The following DIDO1 variants were observed in gnomAD, a reference collection of about 807,000 sequenced individuals.
DIDO1 encodes death inducer-obliterator 1.
DIDO1 carries 16 observed loss-of-function variants against 99.4 expected under a neutral mutation model. The ratio of observed to expected loss-of-function variants is 0.16; its 90% CI spans 0.11 to 0.24. The LOEUF (loss-of-function observed/expected upper bound fraction) is 0.24, where lower values mean the gene tolerates loss of function less well. DIDO1 is among the 10% of genes least tolerant of loss of function. The pLI, the probability that DIDO1 is intolerant of heterozygous loss-of-function variation, is 1.00. For synonymous variants in DIDO1, 1,366 were observed against 1,239.1 expected (o/e 1.10, Z -2.15); for missense variants, 2,996 against 3,014.0 (o/e 0.99, Z 0.14).
chr20:62,888,306 C>A (rs2064329943), intron 15 of DIDO1: 2 of 985,400 alleles, frequency 2.0e-6, no homozygotes, highest in African/African-American at 3.5e-5. Flanking sequence ...ATCTCTACCC[C>A]CAACAGGACC....
upstream of DIDO1, among the ~76,000 whole-genome samples, chr20:62,930,250 C>G (rs887571469): frequency 6.6e-6 from 1 of 151,670 alleles, no homozygotes; most frequent in Non-Finnish European, 1.5e-5. Flanking sequence ...CTTTGTCTAC[C>G]AAAGGGCAAA....
At chr20:62,929,692 A>AAAAAAAAAATATATATATATAT, upstream of DIDO1, among the ~76,000 whole-genome samples, 7 of 63,706 alleles carry the variant, frequency 1.1e-4, no homozygotes, top group African/African-American at 4.6e-4. Flanking sequence ...AAAAAGAAAA[A>AAAAAAAAAATATATATATATAT]GTGTATATAT....
rs774970284 is a variant in DIDO1, at chr20:62,903,044, TAA to T, written c.1588+2841_1588+2842del. 4.6e-5 allele frequency among the ~76,000 whole-genome samples: 7 copies of T among 151,764 alleles called. No individual in the cohort carries two copies. In the South Asian group the frequency reaches 8.3e-4, roughly 18 times the overall value. ...AATAATGGGAGGTGAACAGTGGAAA[TAA>T]AGAGAAAAAAATGGAATAAGAATTT... On this transcript the variant is annotated intron_variant, in intron 6 of 15. Coordinates refer to ENST00000395343, the MANE Select transcript of DIDO1 (RefSeq NM_001193369.2).
Position 62,880,482 on chromosome 20 carries a change from C to T in DIDO1, c.5474G>A (p.Gly1825Asp), listed in dbSNP as rs2064181026. The change falls in exon 16 of 16, where the codon GGC becomes GAC. Residue 1825 changes from glycine (G) to aspartate (D), a missense_variant. This residue lies in a region of DIDO1 where 1,562 missense variants were observed against 1,412.6 expected (regional missense o/e 1.11). Transcript: ENST00000395343. ...TCCACCAAGGTAAGAGGGTGAGGGG[C>T]CTCTGCTGTCCCCATAAGGAGGTGG... is the stretch of plus-strand genomic sequence containing the variant. ...HGPPPYGDSR[G>D]PSPSYLGGPR... 3.1e-6 allele frequency: 5 copies of T among 1,612,848 alleles called. No individual in the cohort carries two copies. The East Asian group carries it at 8.9e-5, about 29-fold the overall frequency.
At chr20:62,888,655 C>T in intron 15 of DIDO1, 1 of 884,374 alleles carries the variant, frequency 1.1e-6, no homozygotes, top group Non-Finnish European at 1.4e-6. Flanking sequence ...CCTAGCCTTA[C>T]ACACACACAC....
chr20:62,926,163 G>A (rs1239064582), intron 1 of DIDO1, among the ~76,000 whole-genome samples: 2 of 151,974 alleles, frequency 1.3e-5, no homozygotes, highest in Non-Finnish European at 2.9e-5. Flanking sequence ...ACCACCGAGT[G>A]CTCGCCAGTC....
Position 62,896,180 on chromosome 20 carries a change from G to T in DIDO1, c.2214+53C>A. On this transcript the variant is annotated intron_variant, in intron 8 of 15. Coordinates refer to ENST00000395343, the MANE Select transcript of DIDO1 (RefSeq NM_001193369.2). The surrounding 1 kb of genome is among the most constrained non-coding windows in gnomAD (Gnocchi z 4.4). ...CTCAAAATATTGGTTGATCCCTTTAGCACCCAGCGAACAGAACAGGAATAC... is the reference window on the plus strand; with the variant it reads ...CTCAAAATATTGGTTGATCCCTTTATCACCCAGCGAACAGAACAGGAATAC... The T allele has an allele frequency of 4.5e-6, 7 of 1,545,364 alleles. No homozygotes were observed. In the South Asian group the frequency reaches 8.3e-5, roughly 18 times the overall value.
chr20:62,919,694 G>A (rs552218031), intron 1 of DIDO1, among the ~76,000 whole-genome samples: 1 of 152,334 alleles, frequency 6.6e-6, no homozygotes, highest in South Asian at 2.1e-4. Context: ...AGCAAAACTT[G>A]TTACTGAAAA....
chr20:62,887,913 C>CGGGGCAGA (rs986141876), intron 15 of DIDO1: 97 of 985,334 alleles, frequency 9.8e-5, no homozygotes, highest in Non-Finnish European at 1.1e-4. Context: ...GCCCCCACTG[C>CGGGGCAGA]GGGGCAGAGG....
At chr20:62,934,582 C>T (rs2065363398) in intron 1 of DIDO1, among the ~76,000 whole-genome samples, 1 of 152,204 alleles carries the variant, frequency 6.6e-6, no homozygotes, top group Non-Finnish European at 1.5e-5. Flanking sequence ...TTTGTGGCAT[C>T]TAGCTCACTG....
rs1407736637 is a variant in DIDO1 at position 62,894,457 on chromosome 20, T to C, written c.2528A>G (p.Gln843Arg). 6.2e-6 allele frequency: 10 copies of C among 1,613,588 alleles called. No individual in the cohort carries two copies. Among genetic ancestry groups the C allele is most frequent in the Non-Finnish European group, 7.6e-6 (9 of 1,180,024 alleles). ...GAGATCGAAGAGGTGTGCGCGGTGC[T>C]GACTGGTGGTGTCTTTCAACATGCT... ...FSSMLKDTTS[Q>R]HRAHLFDLNC... Residue 843 changes from glutamine to arginine, a missense_variant, in exon 11 of 16, where the codon CAG becomes CGG. By Grantham distance (43) the Gln-to-Arg change is conservative. Transcript: ENST00000395343. This position sits in a 1 kb window ranked among gnomAD's most constrained non-coding sequence, Gnocchi z 4.4.
At chr20:62,929,497 T>C (rs1026205194), upstream of DIDO1, among the ~76,000 whole-genome samples, 2 of 151,584 alleles carry the variant, frequency 1.3e-5, no homozygotes, top group East Asian at 2.0e-4. Context: ...GGCCGGAACA[T>C]AGTTCTTTCT....
chr20:62,909,600 T>C lies in DIDO1; in HGVS notation c.1161+99A>G, dbSNP rs1043803769. The C allele has an allele frequency of 4.1e-6, 6 of 1,454,054 alleles. No individual in the cohort carries two copies. The African/African-American group carries it at 8.5e-5, about 20-fold the overall frequency. 90.1% of individuals were successfully genotyped at this position (1,454,054 alleles called of 1,614,324 possible). A position where few individuals can be genotyped will look rare whatever the true frequency, so the allele number is the denominator to read the frequency against. On this transcript the variant is annotated intron_variant, in intron 4 of 15. Transcript: ENST00000395343. ...AACCCGGGAGAGGCACCGCCCCACA[T>C]GGGTGCAGCACCCGTCCTGGGAGGA...
rs369268891 is a variant in DIDO1 at position 62,893,960 on chromosome 20, C to T, written c.2807G>A (p.Gly936Asp). Reference sequence around the variant, plus strand: ...TTCCAGCGGGGAGGGCTCGGGATGGCCATCTCCTGGAGGCCCAGGGAAATA... The same window carrying T: ...TTCCAGCGGGGAGGGCTCGGGATGGTCATCTCCTGGAGGCCCAGGGAAATA... ...RTYFPGPPGD[G>D]HPEPSPLEDL... is the part of the protein sequence containing the mutation. The change falls in exon 12 of 16, where the codon GGC becomes GAC. Residue 936 changes from glycine (G) to aspartate (D), a missense_variant. By Grantham distance (94) the Gly-to-Asp change is moderately conservative (BLOSUM62 -1). This residue lies in a region of DIDO1 where 898 missense variants were observed against 972.7 expected (regional missense o/e 0.92). Coordinates refer to ENST00000395343, the MANE Select transcript of DIDO1 (RefSeq NM_001193369.2). The T allele has an allele frequency of 1.7e-5, 28 of 1,612,536 alleles. No homozygotes were observed. The highest frequency in any genetic ancestry group is 2.4e-5 in the Non-Finnish European group (28 of 1,178,772).
intron 3 of DIDO1, among the ~76,000 whole-genome samples, chr20:62,910,302 G>A (rs1600996206): frequency 1.3e-5 from 2 of 152,238 alleles, no homozygotes; most frequent in South Asian, 4.2e-4. Flanking sequence ...TTATCCCAGC[G>A]CCAAGCCAAC....
intron 6 of DIDO1, among the ~76,000 whole-genome samples, chr20:62,902,529 T>G (rs1303349332): frequency 6.6e-6 from 1 of 152,162 alleles, no homozygotes; most frequent in Non-Finnish European, 1.5e-5. Context: ...GGCTTTAAAT[T>G]CCTGCAAAAC....
In DIDO1 at chr20:62,878,416, C is replaced by T. The variant is rs1348278669; in HGVS notation, c.*817G>A. 3 of 152,156 alleles carry T rather than the reference C, an allele frequency of 2.0e-5. No individual in the cohort carries two copies. Among genetic ancestry groups the T allele is most frequent in the Non-Finnish European group, 4.4e-5 (3 of 68,038 alleles). The allele number at this position is 152,156 out of a possible 1,614,324, so 9.4% of individuals were successfully genotyped here. ...TGACAAATACCAGTTTGGGGCCGAGCGTACTTTTCCCGGGATACAGAAGAA... is the reference window on the plus strand; with the variant it reads ...TGACAAATACCAGTTTGGGGCCGAGTGTACTTTTCCCGGGATACAGAAGAA... On this transcript the variant is annotated 3_prime_UTR_variant, in exon 16 of 16. Transcript: ENST00000395343.
At chr20:62,928,319 A>G (rs1262222973), upstream of DIDO1, among the ~76,000 whole-genome samples, 1 of 152,008 alleles carries the variant, frequency 6.6e-6, no homozygotes, top group African/African-American at 2.4e-5. Flanking sequence ...AGGAAAGGGA[A>G]CCCTCACTCA....
intron 1 of DIDO1, among the ~76,000 whole-genome samples, chr20:62,916,354 T>C (rs1372946215): frequency 6.6e-6 from 1 of 152,218 alleles, no homozygotes; most frequent in Non-Finnish European, 1.5e-5. Context: ...TCATTTTCTA[T>C]TGACTAGAAG....
Sources: allele counts gnomAD v4.1 joint callset (sites outside exome capture counted in the v4.1 genomes callset), GRCh38; gene constraint gnomAD v4.1.1; regional missense constraint gnomAD v4.1.1; non-coding constraint Gnocchi (gnomAD v3.1); transcripts MANE v1.5; gene names NCBI Gene and HGNC (gene_info 2026-07-23, HGNC 2026-07-21).